The following ACTR3C variants were observed in gnomAD, a reference collection of about 807,000 sequenced individuals.
The protein encoded by ACTR3C is actin-related protein 3C.
ACTR3C carries 18 observed loss-of-function variants against 26.3 expected under a neutral mutation model. That is an observed-to-expected ratio of 0.68 (90% confidence interval 0.47 to 1.01). The LOEUF is 1.01. Among genes scored for constraint, ACTR3C ranks in the 50% least tolerant of loss-of-function variants. The pLI, the probability that ACTR3C is intolerant of heterozygous loss-of-function variation, is 0.00. For missense variants in ACTR3C, 184 were observed against 250.7 expected (o/e 0.73, Z 1.80); for synonymous variants, 55 against 94.5 (o/e 0.58, Z 2.42).
chr7:150,109,063 A>G, the ACTR3C span, among the ~76,000 whole-genome samples: 1 of 152,024 alleles, frequency 6.6e-6, no homozygotes, highest in African/African-American at 2.4e-5. Flanking sequence ...GGATTGGACA[A>G]AGTCATGATG....
the ACTR3C span, among the ~76,000 whole-genome samples, chr7:149,895,767 G>C: frequency 2.6e-5 from 4 of 152,158 alleles, no homozygotes; most frequent in Admixed American, 2.0e-4. Context: ...AGGCTGCAAT[G>C]AGCTATGATA....
At chr7:150,229,655 T>TTTTG in the ACTR3C span, among the ~76,000 whole-genome samples, 1 of 149,364 alleles carries the variant, frequency 6.7e-6, no homozygotes, top group African/African-American at 2.5e-5. Flanking sequence ...CAGCTAATTT[T>TTTTG]TTTTTTTTTT....
chr7:150,119,975 T>C, the ACTR3C span, among the ~76,000 whole-genome samples: 24 of 152,196 alleles, frequency 1.6e-4, no homozygotes, highest in Non-Finnish European at 2.6e-4. Flanking sequence ...AACCTGCTCC[T>C]GAATGACTAC....
the ACTR3C span, among the ~76,000 whole-genome samples, chr7:150,230,485 G>A: frequency 0.059 from 8,989 of 152,052 alleles, 481 homozygotes; most frequent in African/African-American, 0.14. Context: ...CACAGCAGGA[G>A]GTGAGTAGTG....
At chr7:150,152,065 T>C in the ACTR3C span, among the ~76,000 whole-genome samples, 1 of 150,322 alleles carries the variant, frequency 6.7e-6, no homozygotes, top group Non-Finnish European at 1.5e-5. Context: ...TTTCTAGATA[T>C]ACAATCATGT....
the ACTR3C span, among the ~76,000 whole-genome samples, chr7:149,940,817 G>A: frequency 4.7e-5 from 7 of 149,970 alleles, no homozygotes; most frequent in South Asian, 2.2e-4. Flanking sequence ...TGCATGGGGC[G>A]GGTGGGTAGA....
chr7:150,238,585 A>G, the ACTR3C span, among the ~76,000 whole-genome samples: 1 of 142,998 alleles, frequency 7.0e-6, no homozygotes, highest in Admixed American at 6.8e-5. Flanking sequence ...ATTAATAAAA[A>G]TATCTATTTT....
the ACTR3C span, among the ~76,000 whole-genome samples, chr7:150,141,194 G>T: frequency 6.6e-6 from 1 of 152,226 alleles, no homozygotes. Flanking sequence ...AAGTGCTGAT[G>T]GAGAAGCTGC....
chr7:150,206,190 T>C, the ACTR3C span, among the ~76,000 whole-genome samples: 1 of 152,198 alleles, frequency 6.6e-6, no homozygotes, highest in Non-Finnish European at 1.5e-5. Flanking sequence ...CTCATGACCA[T>C]GCACGGCTGT....
chr7:150,185,276 C>CAT, the ACTR3C span, among the ~76,000 whole-genome samples: 5 of 140,876 alleles, frequency 3.5e-5, no homozygotes, highest in South Asian at 2.3e-4. Flanking sequence ...AAATGTCAGG[C>CAT]GTGTGTGTGT....
chr7:150,015,221 G>A, the ACTR3C span, among the ~76,000 whole-genome samples: 5 of 152,262 alleles, frequency 3.3e-5, no homozygotes, highest in Admixed American at 6.5e-5. Context: ...AATGGAACCC[G>A]CTGTCCCTGT....
chr7:150,282,632 C>T (rs1346206470), intron 6 of ACTR3C, among the ~76,000 whole-genome samples: 1 of 143,414 alleles, frequency 7.0e-6, no homozygotes, highest in Non-Finnish European at 1.5e-5. Context: ...ACAAACTTGA[C>T]AGCCAGGGCC....
At chr7:150,127,555 G>C in the ACTR3C span, among the ~76,000 whole-genome samples, 1 of 151,850 alleles carries the variant, frequency 6.6e-6, no homozygotes, top group Non-Finnish European at 1.5e-5. Flanking sequence ...ACTAATGTCT[G>C]TTTATTTCCG....
At chr7:150,278,509 C>G (rs1395317252) in intron 6 of ACTR3C, among the ~76,000 whole-genome samples, 3 of 152,230 alleles carry the variant, frequency 2.0e-5, no homozygotes, top group Non-Finnish European at 4.4e-5. Context: ...CCAGCACAGC[C>G]CTGACATGCC....
At chr7:150,213,718 A>G in the ACTR3C span, among the ~76,000 whole-genome samples, 1 of 151,536 alleles carries the variant, frequency 6.6e-6, no homozygotes, top group East Asian at 1.9e-4. Flanking sequence ...GGAGAGCATT[A>G]AAGTAGGTTT....
the ACTR3C span, among the ~76,000 whole-genome samples, chr7:149,898,656 C>T: frequency 4.7e-5 from 7 of 150,368 alleles, no homozygotes; most frequent in East Asian, 1.9e-4. Context: ...TGCAGTGAGC[C>T]GAGATCACGC....
the ACTR3C span, among the ~76,000 whole-genome samples, chr7:149,911,482 G>C: frequency 2.0e-5 from 3 of 152,042 alleles, no homozygotes; most frequent in Non-Finnish European, 2.9e-5. Context: ...AATAACTGCT[G>C]AATGTATTCT....
At chr7:150,029,270 G>A in the ACTR3C span, among the ~76,000 whole-genome samples, 1 of 151,852 alleles carries the variant, frequency 6.6e-6, no homozygotes, top group Non-Finnish European at 1.5e-5. Flanking sequence ...AACTTCAAAC[G>A]AGTCTCTTGC....
At chr7:149,886,769 G>T in the ACTR3C span, among the ~76,000 whole-genome samples, 7 of 152,038 alleles carry the variant, frequency 4.6e-5, no homozygotes, top group Non-Finnish European at 2.9e-5. Flanking sequence ...CAGGCTGGGC[G>T]TCATAGTGAA....
Sources: gnomAD v4.1 joint callset for allele counts (sites outside exome capture counted in the v4.1 genomes callset) on GRCh38, gnomAD v4.1.1 for gene constraint, MANE v1.5 for transcripts, NCBI Gene and HGNC (gene_info 2026-07-23, HGNC 2026-07-21) for gene names.